The following WWOX variants were observed in gnomAD, a reference collection of about 807,000 sequenced individuals.
The protein encoded by WWOX is WW domain-containing oxidoreductase.
In WWOX, 69 loss-of-function variants were observed where a neutral mutation model predicts 46.2. The ratio of observed to expected loss-of-function variants is 1.49; its 90% CI spans 1.23 to 1.82. The LOEUF (loss-of-function observed/expected upper bound fraction) is 1.82. WWOX is among the 40% of genes most tolerant of loss of function. The pLI, the probability that WWOX is intolerant of heterozygous loss-of-function variation, is 0.00. For synonymous variants in WWOX, 359 were observed against 202.6 expected (o/e 1.77, Z -6.56); for missense variants, 919 against 542.6 (o/e 1.69, Z -6.89).
intron 8 of WWOX, among the ~76,000 whole-genome samples, chr16:78,691,789 T>G (rs1245028498): frequency 6.6e-6 from 1 of 152,132 alleles, no homozygotes; most frequent in Middle Eastern, 3.2e-3. Context: ...TAGCTCCCAG[T>G]TTATAGGTGA....
chr16:78,858,144 T>TTGTGTGTGTGTGTGTG (rs59637371), intron 8 of WWOX, among the ~76,000 whole-genome samples: 92 of 148,648 alleles, frequency 6.2e-4, no homozygotes, highest in African/African-American at 1.4e-3. Flanking sequence ...CATTGTGTGT[T>TTGTGTGTGTGTGTGTG]TGTGTGTGTG....
intron 8 of WWOX, among the ~76,000 whole-genome samples, chr16:78,609,328 G>A (rs1449581723): frequency 6.6e-6 from 1 of 152,014 alleles, no homozygotes; most frequent in Non-Finnish European, 1.5e-5. Flanking sequence ...TTCAAGGGGA[G>A]GCTTAGCACT....
chr16:78,566,051 G>C (rs1166832533), intron 8 of WWOX, among the ~76,000 whole-genome samples: 1 of 152,206 alleles, frequency 6.6e-6, no homozygotes, highest in Non-Finnish European at 1.5e-5. Context: ...AGTCCAAGGT[G>C]AAGCCATGGG....
chr16:79,101,384 G>A (rs1475920608), intron 8 of WWOX: 1 of 152,104 alleles, frequency 6.6e-6, no homozygotes. Context: ...CAGGTAAGGT[G>A]GAATTTGGTA....
intron 8 of WWOX, among the ~76,000 whole-genome samples, chr16:78,651,637 C>T (rs9888816): frequency 0.21 from 32,119 of 152,176 alleles, 3,471 homozygotes; most frequent in Non-Finnish European, 0.22. Flanking sequence ...ACAGACCCAG[C>T]TCATGTCCCC....
chr16:78,421,580 G>C (rs903686692), intron 6 of WWOX, among the ~76,000 whole-genome samples: 2 of 152,130 alleles, frequency 1.3e-5, no homozygotes, highest in African/African-American at 4.8e-5. Context: ...GAAGCAATGG[G>C]ATGGGAGGTA....
chr16:78,802,710 G>A (rs983159048), intron 8 of WWOX, among the ~76,000 whole-genome samples: 2 of 151,786 alleles, frequency 1.3e-5, no homozygotes, highest in Non-Finnish European at 2.9e-5. Flanking sequence ...GAGGTCAGGA[G>A]TTCAAGATCA....
At chr16:78,737,933 G>A (rs1294347884) in intron 8 of WWOX, among the ~76,000 whole-genome samples, 2 of 152,054 alleles carry the variant, frequency 1.3e-5, no homozygotes, top group African/African-American at 2.4e-5. Context: ...AGTATTTATT[G>A]TTTTAATCAA....
chr16:78,397,867 G>C (rs768758234), intron 6 of WWOX, among the ~76,000 whole-genome samples: 13 of 152,166 alleles, frequency 8.5e-5, no homozygotes, highest in Non-Finnish European at 1.5e-4. Context: ...CGTTTTGCTG[G>C]AATATGTGTA....
At chr16:78,721,840 C>A (rs1269432949) in intron 8 of WWOX, among the ~76,000 whole-genome samples, 1 of 152,182 alleles carries the variant, frequency 6.6e-6, no homozygotes, top group African/African-American at 2.4e-5. Context: ...ACTTTTTGTC[C>A]ATATGAAGAG....
intron 5 of WWOX, among the ~76,000 whole-genome samples, chr16:78,196,044 A>T (rs1011063407): frequency 6.6e-6 from 1 of 152,164 alleles, no homozygotes; most frequent in African/African-American, 2.4e-5. Context: ...TCTTTGCCTT[A>T]TCTCGATGAT....
At chr16:78,684,095 G>A (rs1307723005) in intron 8 of WWOX, among the ~76,000 whole-genome samples, 1 of 152,080 alleles carries the variant, frequency 6.6e-6, no homozygotes, top group Non-Finnish European at 1.5e-5. Context: ...TCATGGCCGT[G>A]CAGTTCAACT....
intron 8 of WWOX, among the ~76,000 whole-genome samples, chr16:79,211,330 T>C (rs1189221959): frequency 5.3e-5 from 8 of 152,184 alleles, no homozygotes; most frequent in African/African-American, 1.9e-4. Context: ...TGCCACGACG[T>C]ATTGATATGT....
intron 8 of WWOX, among the ~76,000 whole-genome samples, chr16:78,571,834 C>T (rs900275627): frequency 6.6e-6 from 1 of 152,152 alleles, no homozygotes; most frequent in African/African-American, 2.4e-5. Flanking sequence ...CCACTATACT[C>T]TAGCCTGGGC....
rs567215883 is a variant in WWOX, at chr16:78,489,526, C to A, written c.1056+56774C>A. Among the ~76,000 whole-genome samples the A allele has an allele frequency of 3.9e-5, 6 of 152,206 alleles. No homozygotes were observed. In the South Asian group the frequency reaches 1.2e-3, roughly 32 times the overall value. On this transcript the variant is annotated intron_variant, in intron 8 of 8. Coordinates refer to ENST00000566780, the MANE Select transcript of WWOX (RefSeq NM_016373.4). ...GTGAGACTTCAGTTTTCATTCTCCC[C>A]TTAGCAGCTTTCAAATATGTACGTA... is the stretch of plus-strand genomic sequence containing the variant.
At chr16:78,971,050 A>C (rs1597221450) in intron 8 of WWOX, among the ~76,000 whole-genome samples, 1 of 151,352 alleles carries the variant, frequency 6.6e-6, no homozygotes, top group African/African-American at 2.5e-5. Flanking sequence ...TCTGTTTCCC[A>C]GGGTGTATAT....
intron 8 of WWOX, among the ~76,000 whole-genome samples, chr16:78,790,119 G>T (rs2050556304): frequency 6.6e-6 from 1 of 152,034 alleles, no homozygotes; most frequent in Non-Finnish European, 1.5e-5. Context: ...TATTGTTTCA[G>T]GATTATTATT....
At chr16:78,661,448 CTT>C (rs1186070452) in intron 8 of WWOX, among the ~76,000 whole-genome samples, 1 of 152,098 alleles carries the variant, frequency 6.6e-6, no homozygotes, top group Admixed American at 6.6e-5. Flanking sequence ...TTCTGTATGA[CTT>C]TATCTGCTTA....
Position 78,348,216 on chromosome 16 carries a change from C to G in WWOX, c.517-38644C>G, listed in dbSNP as rs143369692. Among the ~76,000 whole-genome samples, 10 of 121,314 alleles carry G rather than the reference C, an allele frequency of 8.2e-5. 4 individuals carry two copies. The highest frequency in any genetic ancestry group is 2.0e-4 in the Non-Finnish European group (10 of 50,734). 79.6% of individuals were successfully genotyped at this position (121,314 alleles called of 152,430 possible). On this transcript the variant is annotated intron_variant, in intron 5 of 8. Coordinates refer to ENST00000566780, the MANE Select transcript of WWOX (RefSeq NM_016373.4). ...GTGTTTCTTCTTAACAAGGCAGAAG[C>G]CCAGAAGAGACTTCATGTACTGTGA... is the stretch of plus-strand genomic sequence containing the variant.
Sources: allele counts gnomAD v4.1 joint callset (sites outside exome capture counted in the v4.1 genomes callset), GRCh38; gene constraint gnomAD v4.1.1; transcripts MANE v1.5; gene names NCBI Gene and HGNC (gene_info 2026-07-23, HGNC 2026-07-21).